Variants in PMEL observed in about 807,000 individuals in gnomAD.
PMEL encodes premelanosome protein.
In PMEL, 53 loss-of-function variants were observed where a neutral mutation model predicts 64.9. That is an observed-to-expected ratio of 0.82 (90% CI 0.66 to 1.03). PMEL has a LOEUF of 1.03. Among genes scored for constraint, PMEL ranks in the 50% least tolerant of loss-of-function variants. The pLI is 0.00. For synonymous variants in PMEL, 299 were observed against 316.2 expected (o/e 0.95, Z 0.58); for missense variants, 716 against 814.9 (o/e 0.88, Z 1.48).
At chr12:55,960,083 G>A (rs551745753) in intron 3 of PMEL, among the ~76,000 whole-genome samples, 1 of 150,788 alleles carries the variant, frequency 6.6e-6, no homozygotes, top group East Asian at 2.0e-4. Flanking sequence ...CAGCTACTCG[G>A]GAGGCTACTC....
At chr12:55,962,371 AG>A (rs1889133424) in intron 1 of PMEL, among the ~76,000 whole-genome samples, 1 of 132,084 alleles carries the variant, frequency 7.6e-6, no homozygotes, top group South Asian at 2.7e-4. Flanking sequence ...TGAACCCGGG[AG>A]GCAGAGGTTG....
chr12:55,955,814 C>T lies in PMEL; in HGVS notation c.1521G>A (p.Gly507=). 2 of 1,614,122 alleles carry T rather than the reference C, an allele frequency of 1.2e-6. No homozygotes were observed. Among genetic ancestry groups the T allele is most frequent in the Non-Finnish European group, 1.7e-6 (2 of 1,179,982 alleles). The part of the protein sequence containing the change: ...EILQAVPSGE[G]DAFELTVSCQ... ...AGGACACAGTCAGCTCAAATGCATC[C>T]CCCTCACCGGACGGCACAGCCTGCA... The change falls in exon 8 of 11, where the codon GGG becomes GGA. Residue 507 remains glycine (G), a synonymous_variant. Transcript: ENST00000548747.
intron 6 of PMEL, chr12:55,956,458 A>T (rs928282337): frequency 2.1e-6 from 1 of 470,690 alleles, no homozygotes; most frequent in African/African-American, 1.9e-5. Context: ...AAAAATCCTC[A>T]AATGTTTATC....
intron 3 of PMEL, among the ~76,000 whole-genome samples, chr12:55,958,872 C>T (rs747802490): frequency 1.2e-4 from 18 of 151,950 alleles, no homozygotes; most frequent in Non-Finnish European, 2.5e-4. Flanking sequence ...GTGTCAACCT[C>T]CCAGGGTCAA....
chr12:55,966,328 AC>A, upstream of PMEL: 1 of 347,276 alleles, frequency 2.9e-6, no homozygotes, highest in Non-Finnish European at 5.3e-6. Context: ...AGTGAATTAA[AC>A]CAGGAACTTC....
In PMEL at chr12:55,957,643, G is replaced by A. The variant is rs1473340966; in HGVS notation, c.660C>T (p.Ser220=). 3.1e-6 allele frequency: 5 copies of A among 1,611,690 alleles called. No homozygotes were observed. The highest frequency in any genetic ancestry group is 4.2e-6 in the Non-Finnish European group (5 of 1,179,114). Residue 220 remains serine (S), a synonymous_variant, in exon 6 of 11, where the codon TCC becomes TCT. Transcript: ENST00000548747. ...TDQVPFSVSV[S]QLRALDGGNK... ...TCCCTCCATCCAAGGCCCGCAACTG[G>A]GACACGCTCACGGAGAAAGGCACCT... is the stretch of plus-strand genomic sequence containing the variant.
At position 55,954,338 on chromosome 12, in the gene PMEL, A is replaced by G. The variant is rs1292196464; in HGVS notation, c.1862T>C (p.Met621Thr). 1.9e-6 allele frequency: 3 copies of G among 1,614,158 alleles called. No homozygotes were observed. Among genetic ancestry groups the G allele is most frequent in the Admixed American group, 3.3e-5 (2 of 60,016 alleles). Residue 621 changes from methionine (M) to threonine (T), a missense_variant, in exon 11 of 11, where the codon ATG (methionine) becomes ACG (threonine). Physicochemically the swap from Met to Thr is moderately conservative, Grantham distance 81 (BLOSUM62 -1). Transcript: ENST00000548747. ...CTGGGGTACGGAGAAGTCTTGCTTC[A>G]TAAGTCTGCGCCTGATATTGGGAGA... ...LASLIYRRRL[M>T]KQDFSVPQLP... is the part of the protein sequence containing the mutation.
At chr12:55,966,196 C>T, upstream of PMEL, 1 of 860,094 alleles carries the variant, frequency 1.2e-6, no homozygotes, top group African/African-American at 1.7e-5. Context: ...CTTTCCCATC[C>T]TGCTACTCAA....
chr12:55,956,310 G>C (rs1452670579), intron 6 of PMEL, 91 bp from the exon 7 acceptor site: 7 of 776,028 alleles, frequency 9.0e-6, no homozygotes, highest in Non-Finnish European at 1.6e-5. Context: ...GGTTGAACCA[G>C]AGTTACTGGA....
At position 55,965,642 on chromosome 12, in the gene PMEL, T is replaced by C. The variant is rs75479586; in HGVS notation, c.76+294A>G. Among the ~76,000 whole-genome samples, 5,848 of 152,220 alleles carry C rather than the reference T, an allele frequency of 0.038. 358 individuals are homozygous for C. Among genetic ancestry groups the C allele is most frequent in the African/African-American group, 0.13 (5,505 of 41,510 alleles). ...AGAGACGTTTCCTAAAAGAGTCTCC[T>C]GCACATTTCACCCCTTTGGAGCCCG... On this transcript the variant is annotated intron_variant, in intron 1 of 10. Coordinates refer to ENST00000548747, the MANE Select transcript of PMEL (RefSeq NM_001384361.1).
chr12:55,957,127 C>T lies in PMEL; in HGVS notation c.1176G>A (p.Met392Ile), dbSNP rs767700342. The change falls in exon 6 of 11, where the codon ATG becomes ATA. Residue 392 changes from methionine to isoleucine, a missense_variant. Physicochemically the swap from Met to Ile is conservative, Grantham distance 10 (BLOSUM62 1). Coordinates refer to ENST00000548747, the MANE Select transcript of PMEL (RefSeq NM_001384361.1). ...TCATACCTGTAGCCTCTGGAGTTGA[C>T]ATCTCTGCCAGTGTGGTACCCATGA... ...SEVMGTTLAEMSTPEATGMTP... is the reference protein window; with the variant it reads ...SEVMGTTLAEISTPEATGMTP... 26 of 1,614,114 alleles carry T rather than the reference C, an allele frequency of 1.6e-5. No individual in the cohort carries two copies. The highest frequency in any genetic ancestry group is 1.9e-5 in the Non-Finnish European group (23 of 1,180,038).
Position 55,957,218 on chromosome 12 carries a change from G to A in PMEL, c.1085C>T (p.Ala362Val), listed in dbSNP as rs1804189. Reference sequence around the variant, plus strand: ...CTCTGCAGTTGGCATCTGCACAGGTGCAGTGCTTATGACTTCAGTGGTTGG... The same window carrying A: ...CTCTGCAGTTGGCATCTGCACAGGTACAGTGCTTATGACTTCAGTGGTTGG... ...QVPTTEVIST[A>V]PVQMPTAEST... is the part of the protein sequence containing the mutation. Residue 362 changes from alanine to valine, a missense_variant, in exon 6 of 11, where the codon GCA becomes GTA. Coordinates refer to ENST00000548747, the MANE Select transcript of PMEL (RefSeq NM_001384361.1). The A allele has an allele frequency of 9.7e-4, 1,559 of 1,614,224 alleles. 16 individuals carry two copies. In the African/African-American group the frequency reaches 0.019, roughly 19 times the overall value.
At chr12:55,965,374 C>T (rs762729325) in intron 1 of PMEL, among the ~76,000 whole-genome samples, 2 of 151,954 alleles carry the variant, frequency 1.3e-5, no homozygotes, top group African/African-American at 2.4e-5. Flanking sequence ...CAGAGCAGCA[C>T]GGGACATTCC....
At chr12:55,966,240 C>G (rs1889295183), upstream of PMEL, 1 of 622,344 alleles carries the variant, frequency 1.6e-6, no homozygotes, top group Non-Finnish European at 2.7e-6. Flanking sequence ...TCACTCTCAT[C>G]TTGATGCACT....
At position 55,954,155 on chromosome 12, in the gene PMEL, G is replaced by A. The variant is rs1357337558; in HGVS notation, c.*59C>T. 2.0e-6 allele frequency: 3 copies of A among 1,502,140 alleles called. No individual in the cohort carries two copies. The highest frequency in any genetic ancestry group is 2.7e-6 in the Non-Finnish European group (3 of 1,105,176). The allele number at this position is 1,502,140 out of a possible 1,614,324, so 93.1% of individuals were successfully genotyped here. A position where few individuals can be genotyped will look rare whatever the true frequency, so the allele number is the denominator to read the frequency against. ...TAATAGTAGTCTCCCAGGGAAGACT[G>A]GGGGAAATATAGGTGTTTCTGTCAA... is the stretch of plus-strand genomic sequence containing the variant. On this transcript the variant is annotated 3_prime_UTR_variant, in exon 11 of 11. Transcript: ENST00000548747.
In PMEL at chr12:55,955,299, C is replaced by A. The variant is rs1185123854; in HGVS notation, c.1825G>T (p.Val609Leu). ...IVGILLVLMA[V>L]VLASLIYRRR... ...CTATATATCAGAGATGCAAGGACCA[C>A]AGCCATCAACACCAGCAAGATGCCC... The change falls in exon 10 of 11, where the codon GTG (valine) becomes TTG (leucine). Residue 609 changes from valine (V) to leucine (L), a missense_variant. Val to Leu is a conservative substitution (Grantham distance 32). Transcript: ENST00000548747. 1.2e-6 allele frequency: 2 copies of A among 1,612,898 alleles called. No homozygotes were observed. Among genetic ancestry groups the A allele is most frequent in the African/African-American group, 1.4e-5 (1 of 74,072 alleles).
rs1889285563 is a variant in PMEL, at chr12:55,965,988, G to C, written c.24C>G (p.Cys8Trp). 1 of 1,614,178 alleles carries C rather than the reference G, an allele frequency of 6.2e-7. No homozygotes were observed. Among genetic ancestry groups the C allele is most frequent in the South Asian group, 1.1e-5 (1 of 91,086 alleles). The part of the protein sequence containing the change: MDLVLKR[C>W]LLHLAVIGAL... The stretch of plus-strand genomic sequence containing the variant: ...CACCTATCACAGCCAAATGAAGAAG[G>C]CATCTTTTTAGCACCAGATCCATTG... The change falls in exon 1 of 11, where the codon TGC becomes TGG. Residue 8 changes from cysteine (C) to tryptophan (W), a missense_variant. By Grantham distance (215) the Cys-to-Trp change is radical. Transcript: ENST00000548747.
chr12:55,957,751 GCTGA>G (rs963180977), intron 5 of PMEL, 80 bp from the exon 6 acceptor site: 19 of 1,534,610 alleles, frequency 1.2e-5, no homozygotes, highest in Middle Eastern at 4.3e-4. Context: ...CCAACTCCAA[GCTGA>G]CTGGCTGGCC....
intron 10 of PMEL, 23 bp from the exon 11 acceptor site, chr12:55,954,372 A>G (rs1417329697): frequency 6.2e-7 from 1 of 1,613,646 alleles, no homozygotes; most frequent in Admixed American, 1.7e-5. Flanking sequence ...GAAGGGGTAA[A>G]CTGGTTAGCA....
Sources: allele counts gnomAD v4.1 joint callset (sites outside exome capture counted in the v4.1 genomes callset), GRCh38; gene constraint gnomAD v4.1.1; transcripts MANE v1.5; gene names NCBI Gene and HGNC (gene_info 2026-07-23, HGNC 2026-07-21).